RBFOX1: variants seen among roughly 807,000 people sequenced by gnomAD.
The protein encoded by RBFOX1 is RNA binding fox-1 homolog 1, also known as RNA binding protein fox-1 homolog 1.
RBFOX1 carries 8 observed loss-of-function variants against 57.7 expected under a neutral mutation model. The ratio of observed to expected loss-of-function variants is 0.14; its 90% confidence interval spans 0.08 to 0.25. The LOEUF is 0.25. RBFOX1 is among the 10% of genes least tolerant of loss of function. The pLI, the probability that RBFOX1 is intolerant of heterozygous loss-of-function variation, is 1.00. For missense variants in RBFOX1, 611 were observed against 548.5 expected, an observed-to-expected ratio of 1.11 and a Z score of -1.14; for synonymous variants, 326 against 222.4, an observed-to-expected ratio of 1.47 and a Z score of -4.15.
At chr16:5,898,822 G>A (rs1200399322) in intron 4 of RBFOX1, among the ~76,000 whole-genome samples, 1 of 151,752 alleles carries the variant, frequency 6.6e-6, no homozygotes, top group Non-Finnish European at 1.5e-5. Flanking sequence ...CACTTTGTGG[G>A]GCTGAGAAGG....
chr16:7,368,288 A>G (rs2147140146), intron 4 of RBFOX1, among the ~76,000 whole-genome samples: 1 of 151,444 alleles, frequency 6.6e-6, no homozygotes, highest in East Asian at 1.9e-4. Flanking sequence ...AAGAGAGAGA[A>G]GAAAGGCCGT....
chr16:5,617,120 T>G (rs2048051996), intron 3 of RBFOX1, among the ~76,000 whole-genome samples: 1 of 150,682 alleles, frequency 6.6e-6, no homozygotes, highest in Non-Finnish European at 1.5e-5. Flanking sequence ...CCTCCGTCCG[T>G]CCCTCCCTCC....
intron 4 of RBFOX1, among the ~76,000 whole-genome samples, chr16:7,344,251 G>A (rs946264596): frequency 6.6e-6 from 1 of 150,490 alleles, no homozygotes; most frequent in Admixed American, 6.6e-5. Flanking sequence ...CATTTCTGAG[G>A]ATCAAATCAA....
chr16:6,409,868 C>T (rs1345713948), intron 2 of RBFOX1, among the ~76,000 whole-genome samples: 1 of 152,096 alleles, frequency 6.6e-6, no homozygotes, highest in Non-Finnish European at 1.5e-5. Flanking sequence ...TTGAGAGTCT[C>T]GTGGCTGTGC....
chr16:7,703,761 C>G (rs1043768584), intron 14 of RBFOX1, among the ~76,000 whole-genome samples: 2 of 152,178 alleles, frequency 1.3e-5, no homozygotes, highest in African/African-American at 4.8e-5. Flanking sequence ...CATACTTATT[C>G]ATTTTGCTCC....
intron 1 of RBFOX1, among the ~76,000 whole-genome samples, chr16:5,441,116 C>T (rs949518287): frequency 6.6e-6 from 1 of 152,164 alleles, no homozygotes; most frequent in Non-Finnish European, 1.5e-5. Context: ...TTGGACTAGT[C>T]TGGCTGTGCC....
intron 3 of RBFOX1, among the ~76,000 whole-genome samples, chr16:5,659,505 A>G (rs1313765002): frequency 6.6e-6 from 1 of 151,802 alleles, no homozygotes; most frequent in Non-Finnish European, 1.5e-5. Flanking sequence ...GGGTTTTACC[A>G]TGTTAGCCAG....
At chr16:6,253,580 A>C (rs2097639393) in intron 1 of RBFOX1, among the ~76,000 whole-genome samples, 1 of 149,540 alleles carries the variant, frequency 6.7e-6, no homozygotes, top group Non-Finnish European at 1.5e-5. Flanking sequence ...AAGCTTGATC[A>C]ATGGTTGATG....
chr16:7,611,583 A>T (rs1319284435), intron 10 of RBFOX1, among the ~76,000 whole-genome samples: 1 of 151,876 alleles, frequency 6.6e-6, no homozygotes, highest in East Asian at 1.9e-4. Context: ...CTGTCTCAAA[A>T]AAAAAAAAAA....
At chr16:7,080,728 A>G (rs1262299555) in intron 4 of RBFOX1, among the ~76,000 whole-genome samples, 1 of 152,140 alleles carries the variant, frequency 6.6e-6, no homozygotes, top group Non-Finnish European at 1.5e-5. Context: ...CACAGATGAC[A>G]TTGAATAGTT....
intron 2 of RBFOX1, among the ~76,000 whole-genome samples, chr16:6,355,072 C>G (rs529029665): frequency 6.6e-5 from 10 of 152,192 alleles, no homozygotes; most frequent in Non-Finnish European, 1.5e-4. Flanking sequence ...ATCTTGGTTT[C>G]TAAGACCATT....
chr16:6,096,681 T>C (rs987610186), intron 1 of RBFOX1, among the ~76,000 whole-genome samples: 2 of 152,250 alleles, frequency 1.3e-5, no homozygotes, highest in Admixed American at 1.3e-4. Flanking sequence ...CATGTACCGA[T>C]GTTTAAAACT....
chr16:6,369,492 T>G (rs118169854), intron 2 of RBFOX1, among the ~76,000 whole-genome samples: 34 of 152,208 alleles, frequency 2.2e-4, no homozygotes, highest in African/African-American at 7.5e-4. Context: ...GAAGAATGGT[T>G]AATTTTGGTG....
At chr16:6,533,209 C>T (rs1178338034) in intron 2 of RBFOX1, among the ~76,000 whole-genome samples, 1 of 152,210 alleles carries the variant, frequency 6.6e-6, no homozygotes, top group African/African-American at 2.4e-5. Flanking sequence ...GACAGATCAA[C>T]TATAGTGATA....
At chr16:6,367,359 C>G (rs1260845024) in intron 2 of RBFOX1, among the ~76,000 whole-genome samples, 1 of 152,128 alleles carries the variant, frequency 6.6e-6, no homozygotes, top group Non-Finnish European at 1.5e-5. Flanking sequence ...CAACCTCTGC[C>G]TCCCGGGTTC....
intron 4 of RBFOX1, among the ~76,000 whole-genome samples, chr16:6,003,123 C>G (rs1299019188): frequency 1.3e-5 from 2 of 151,694 alleles, no homozygotes; most frequent in African/African-American, 4.8e-5. Context: ...ACTAAAAATA[C>G]AAAAAATTAG....
chr16:5,323,679 G>A (rs955685613), intron 1 of RBFOX1, among the ~76,000 whole-genome samples: 1 of 152,244 alleles, frequency 6.6e-6, no homozygotes, highest in African/African-American at 2.4e-5. Flanking sequence ...ATGTTAATAA[G>A]CTAACCCGGG....
chr16:5,244,670 C>T (rs765968473), intron 1 of RBFOX1, among the ~76,000 whole-genome samples: 3 of 152,328 alleles, frequency 2.0e-5, no homozygotes, highest in East Asian at 1.9e-4. Flanking sequence ...TCTGCTGTGG[C>T]GCTCTTGTAA....
chr16:6,644,098 C>T (rs2098514100), intron 2 of RBFOX1, among the ~76,000 whole-genome samples: 1 of 152,174 alleles, frequency 6.6e-6, no homozygotes, highest in Admixed American at 6.5e-5. Context: ...TGCACTCCAA[C>T]CTGGGCAACA....
Sources: allele counts gnomAD v4.1 joint callset (sites outside exome capture counted in the v4.1 genomes callset), GRCh38; gene constraint gnomAD v4.1.1; transcripts MANE v1.5; gene names NCBI Gene and HGNC (gene_info 2026-07-23, HGNC 2026-07-21).